Variants in TSPAN9 observed in about 807,000 individuals in gnomAD.
TSPAN9 encodes tetraspanin 9.
TSPAN9 carries 16 observed loss-of-function variants against 31.0 expected under a neutral mutation model. That is an observed-to-expected ratio of 0.52 (90% CI 0.35 to 0.78). TSPAN9 has a LOEUF of 0.78. Ranked by LOEUF, TSPAN9 falls within the 30% of genes least tolerant of loss-of-function variation. The probability of loss-of-function intolerance (pLI) is 0.01; values close to 1 mark genes in which losing one functional copy is unlikely to be tolerated. For synonymous variants in TSPAN9, 145 were observed against 121.6 expected (o/e 1.19, Z -1.27); for missense variants, 272 against 312.5 (o/e 0.87, Z 0.98).
intron 3 of TSPAN9, among the ~76,000 whole-genome samples, chr12:3,226,812 C>T (rs1352030090): frequency 1.3e-5 from 1 of 74,462 alleles, no homozygotes; most frequent in African/African-American, 4.9e-5. Context: ...TTTTTTTTCC[C>T]TCTTCGAACT....
rs536592854 is a variant in TSPAN9, at chr12:3,246,947, G to A, written c.64-31474G>A. Among the ~76,000 whole-genome samples the A allele has an allele frequency of 9.2e-5, 14 of 152,310 alleles. No homozygotes were observed. The East Asian group carries it at 2.7e-3, about 29-fold the overall frequency. The stretch of plus-strand genomic sequence containing the variant: ...CCTGGGTGAAGTGGGGCAGGTTCCA[G>A]GATAGATTTTCTGCAATGTGCTTTT... On this transcript the variant is annotated intron_variant, in intron 3 of 8. Transcript: ENST00000011898.
chr12:3,266,382 C>G (rs1461593663), intron 3 of TSPAN9, among the ~76,000 whole-genome samples: 5 of 152,214 alleles, frequency 3.3e-5, no homozygotes, highest in Non-Finnish European at 7.3e-5. Flanking sequence ...AGGCAAAGCA[C>G]TCAGACTAGC....
At chr12:3,248,440 T>C (rs147976934) in intron 3 of TSPAN9, among the ~76,000 whole-genome samples, 65 of 152,308 alleles carry the variant, frequency 4.3e-4, no homozygotes, top group African/African-American at 1.3e-3. Flanking sequence ...CTGGACTTAA[T>C]GTTCCTGAAC....
At chr12:3,119,430 G>T (rs1008980554) in intron 2 of TSPAN9, among the ~76,000 whole-genome samples, 1 of 152,152 alleles carries the variant, frequency 6.6e-6, no homozygotes, top group African/African-American at 2.4e-5. Flanking sequence ...GGAAACTTGG[G>T]TCTGAGCTTC....
At chr12:3,235,959 C>A (rs2098393529) in intron 3 of TSPAN9, among the ~76,000 whole-genome samples, 1 of 152,242 alleles carries the variant, frequency 6.6e-6, no homozygotes, top group African/African-American at 2.4e-5. Context: ...TTCCAGGATT[C>A]CCCTGGACCT....
chr12:3,158,590 C>T (rs952317833), intron 2 of TSPAN9, among the ~76,000 whole-genome samples: 27 of 152,044 alleles, frequency 1.8e-4, no homozygotes, highest in South Asian at 6.2e-4. Context: ...GGCATGGTGG[C>T]GCACGCCTGT....
rs549192649 is a variant in TSPAN9 at position 3,109,200 on chromosome 12, T to C, written c.-18+25481T>C. Among the ~76,000 whole-genome samples, 28 of 151,246 alleles carry C rather than the reference T, an allele frequency of 1.9e-4. No homozygotes were observed. In the East Asian group the frequency reaches 5.2e-3, roughly 28 times the overall value. On this transcript the variant is annotated intron_variant, in intron 2 of 8. Coordinates refer to ENST00000011898, the MANE Select transcript of TSPAN9 (RefSeq NM_006675.5). ...ATCCGCCCGCCTTGGCCTCCCAGAG[T>C]GCTGGGATTACAGGTGTGAGCCACC...
intron 2 of TSPAN9, among the ~76,000 whole-genome samples, chr12:3,117,846 C>G (rs561903616): frequency 1.1e-3 from 166 of 152,230 alleles, no homozygotes; most frequent in Non-Finnish European, 1.8e-3. Context: ...AGATCCAGGT[C>G]CCGGACCCCT....
chr12:3,131,847 G>A (rs901527586), intron 2 of TSPAN9, among the ~76,000 whole-genome samples: 1 of 152,000 alleles, frequency 6.6e-6, no homozygotes, highest in African/African-American at 2.4e-5. Flanking sequence ...TACGTTCACC[G>A]TGTTTGTAAA....
chr12:3,124,602 G>A (rs1453073998), intron 2 of TSPAN9, among the ~76,000 whole-genome samples: 1 of 151,672 alleles, frequency 6.6e-6, no homozygotes, highest in Admixed American at 6.6e-5. Flanking sequence ...TAGAGACAGG[G>A]TTTCTCTATG....
intron 2 of TSPAN9, among the ~76,000 whole-genome samples, chr12:3,135,568 G>C (rs1238616543): frequency 6.6e-6 from 1 of 152,180 alleles, no homozygotes; most frequent in Non-Finnish European, 1.5e-5. Flanking sequence ...CAGGCCTGCA[G>C]GGTTGAGGGG....
At chr12:3,133,158 CAG>C (rs985480021) in intron 2 of TSPAN9, among the ~76,000 whole-genome samples, 15 of 152,244 alleles carry the variant, frequency 9.9e-5, no homozygotes, top group Non-Finnish European at 1.6e-4. Flanking sequence ...ATTTTGGGGG[CAG>C]AGAGTTTGTC....
chr12:3,194,875 C>T (rs930256894), intron 2 of TSPAN9, among the ~76,000 whole-genome samples: 1 of 152,244 alleles, frequency 6.6e-6, no homozygotes, highest in African/African-American at 2.4e-5. Flanking sequence ...CCATGTGGGC[C>T]CCCTGCTAGG....
chr12:3,152,636 T>C (rs553502491), intron 2 of TSPAN9, among the ~76,000 whole-genome samples: 18 of 152,244 alleles, frequency 1.2e-4, no homozygotes, highest in Non-Finnish European at 2.2e-4. Context: ...CCCAGGCTGG[T>C]GTGCAGTGGC....
intron 3 of TSPAN9, among the ~76,000 whole-genome samples, chr12:3,260,056 C>T (rs999190119): frequency 5.3e-5 from 8 of 152,192 alleles, no homozygotes; most frequent in Admixed American, 3.3e-4. Context: ...GAACCTAGTA[C>T]GCGTGAGATG....
At chr12:3,246,493 A>G (rs479858) in intron 3 of TSPAN9, among the ~76,000 whole-genome samples, 136,382 of 152,134 alleles carry the variant, frequency 0.9, 62,294 homozygotes, top group Non-Finnish European at 1. Flanking sequence ...CTGAGGATGC[A>G]TCCTCTTTCC....
chr12:3,121,143 G>C (rs937125654), intron 2 of TSPAN9, among the ~76,000 whole-genome samples: 1 of 152,196 alleles, frequency 6.6e-6, no homozygotes, highest in Non-Finnish European at 1.5e-5. Context: ...AGTGCTTTCT[G>C]TGTGTCAGGC....
chr12:3,118,267 T>TTG (rs1565582056), intron 2 of TSPAN9, among the ~76,000 whole-genome samples: 12 of 109,328 alleles, frequency 1.1e-4, no homozygotes, highest in East Asian at 3.1e-4. Context: ...TTTTTTTTTT[T>TTG]TTTTTTTTTT....
rs1862842292 is a variant in TSPAN9 at position 3,278,720 on chromosome 12, GC to G, written c.255+111del. Reference sequence around the variant, plus strand: ...TTAGCCACCTGGGTGTCCAACCTGAGCCCAGGGAAACTGCTTCTAGAACGTT... The same window carrying G: ...TTAGCCACCTGGGTGTCCAACCTGAGCCAGGGAAACTGCTTCTAGAACGTT... On this transcript the variant is annotated intron_variant, in intron 4 of 8. Coordinates refer to ENST00000011898, the MANE Select transcript of TSPAN9 (RefSeq NM_006675.5). 11 of 1,435,716 alleles carry G rather than the reference GC, an allele frequency of 7.7e-6. No homozygotes were observed. The South Asian group carries it at 1.5e-4, about 20-fold the overall frequency. 88.9% of individuals were successfully genotyped at this position (1,435,716 alleles called of 1,614,324 possible).
Sources: allele counts gnomAD v4.1 joint callset (sites outside exome capture counted in the v4.1 genomes callset), GRCh38; gene constraint gnomAD v4.1.1; transcripts MANE v1.5; gene names NCBI Gene and HGNC (gene_info 2026-07-23, HGNC 2026-07-21).